The following MSI2 variants were observed in gnomAD, a reference collection of about 807,000 sequenced individuals.
The protein encoded by MSI2 is musashi RNA binding protein 2.
A neutral mutation model predicts 45.6 loss-of-function variants in MSI2; 17 were observed. That is an observed-to-expected ratio of 0.37 (90% CI 0.26 to 0.56). MSI2 has a LOEUF of 0.56. MSI2 is among the 20% of genes least tolerant of loss of function. The pLI, the probability that MSI2 is intolerant of heterozygous loss-of-function variation, is 0.77. For synonymous variants in MSI2, 156 were observed against 158.2 expected (o/e 0.99, Z 0.11); for missense variants, 293 against 444.2 (o/e 0.66, Z 3.06).
At chr17:57,286,164 T>C (rs1909855912) in intron 5 of MSI2, among the ~76,000 whole-genome samples, 2 of 152,300 alleles carry the variant, frequency 1.3e-5, no homozygotes, top group South Asian at 2.1e-4. Context: ...ATAATTTTCA[T>C]GTGGGGCGAC....
intron 7 of MSI2, among the ~76,000 whole-genome samples, chr17:57,560,127 G>A (rs539338972): frequency 6.6e-6 from 1 of 152,244 alleles, no homozygotes; most frequent in Non-Finnish European, 1.5e-5. Context: ...TAAAATTGCT[G>A]TTTGGTATCT....
At chr17:57,521,678 G>A (rs573685933) in intron 6 of MSI2, among the ~76,000 whole-genome samples, 8 of 152,210 alleles carry the variant, frequency 5.3e-5, no homozygotes, top group African/African-American at 1.4e-4. Context: ...GCTGTGTTAC[G>A]GCTCAACTCA....
chr17:57,335,292 A>C (rs745675133), intron 5 of MSI2, among the ~76,000 whole-genome samples: 2 of 152,210 alleles, frequency 1.3e-5, no homozygotes, highest in Non-Finnish European at 2.9e-5. Context: ...ATCTTAGACC[A>C]TACCTGCCTT....
chr17:57,350,472 G>A (rs1276679476), intron 5 of MSI2, among the ~76,000 whole-genome samples: 2 of 152,066 alleles, frequency 1.3e-5, no homozygotes, highest in African/African-American at 2.4e-5. Flanking sequence ...TTTGGAGACC[G>A]CCCATTGCCT....
intron 6 of MSI2, among the ~76,000 whole-genome samples, chr17:57,475,019 C>T (rs181183121): frequency 1.3e-5 from 2 of 152,128 alleles, no homozygotes; most frequent in Non-Finnish European, 2.9e-5. Context: ...ACCGCACGCA[C>T]CCAGCCTCTC....
At chr17:57,549,520 T>G (rs1441127612) in intron 7 of MSI2, among the ~76,000 whole-genome samples, 1 of 152,182 alleles carries the variant, frequency 6.6e-6, no homozygotes, top group Admixed American at 6.5e-5. Flanking sequence ...TCCTCAGCTA[T>G]AATACCGTTT....
At position 57,318,492 on chromosome 17, in the gene MSI2, G is replaced by A. The variant is rs147537196; in HGVS notation, c.312+56300G>A. ...TTCATTTTCTTCGCCTGTTTAGAGA[G>A]TGTGGCCACCATATCACAGAGGACT... On this transcript the variant is annotated intron_variant, in intron 5 of 13. Coordinates refer to ENST00000284073, the MANE Select transcript of MSI2 (RefSeq NM_138962.4). Among the ~76,000 whole-genome samples the A allele has an allele frequency of 4.0e-3, 604 of 152,194 alleles. 4 individuals carry two copies. Among genetic ancestry groups the A allele is most frequent in the African/African-American group, 0.013 (538 of 41,534 alleles).
intron 6 of MSI2, among the ~76,000 whole-genome samples, chr17:57,453,002 C>CTTT (rs59001273): frequency 3.0e-4 from 35 of 118,246 alleles, no homozygotes; most frequent in African/African-American, 1.0e-3. Context: ...GGTTGAGGGA[C>CTTT]TTTTTTTTTT....
intron 7 of MSI2, among the ~76,000 whole-genome samples, chr17:57,589,044 C>A (rs1425414743): frequency 1.3e-5 from 2 of 152,136 alleles, no homozygotes; most frequent in East Asian, 3.8e-4. Context: ...GTGGACTGAT[C>A]CTCAATAACC....
intron 5 of MSI2, among the ~76,000 whole-genome samples, chr17:57,310,852 G>A (rs893993666): frequency 3.9e-5 from 6 of 152,186 alleles, no homozygotes; most frequent in African/African-American, 7.2e-5. Context: ...ACCGCAGAGC[G>A]CCTTGGCATC....
At chr17:57,637,641 A>C (rs1184132399) in intron 10 of MSI2, among the ~76,000 whole-genome samples, 1 of 152,210 alleles carries the variant, frequency 6.6e-6, no homozygotes, top group Non-Finnish European at 1.5e-5. Flanking sequence ...AAATAAGGCC[A>C]TCTCTAGGCC....
chr17:57,344,286 A>AG (rs1915410339), intron 5 of MSI2, among the ~76,000 whole-genome samples: 1 of 152,196 alleles, frequency 6.6e-6, no homozygotes, highest in Non-Finnish European at 1.5e-5. Flanking sequence ...GGACCCATGG[A>AG]GTCCTAGTAT....
intron 6 of MSI2, among the ~76,000 whole-genome samples, chr17:57,475,168 G>A (rs2085514289): frequency 6.6e-6 from 1 of 152,236 alleles, no homozygotes; most frequent in Non-Finnish European, 1.5e-5. Context: ...TGGGCACTAA[G>A]TGAAACCCAG....
chr17:57,476,269 T>TCCCTC (rs2085535590), intron 6 of MSI2, among the ~76,000 whole-genome samples: 1 of 152,106 alleles, frequency 6.6e-6, no homozygotes, highest in Admixed American at 6.5e-5. Flanking sequence ...AGATGAGGCT[T>TCCCTC]CCCTCCCCTC....
chr17:57,593,818 G>A (rs76716491), intron 7 of MSI2, among the ~76,000 whole-genome samples: 1 of 152,130 alleles, frequency 6.6e-6, no homozygotes, highest in Non-Finnish European at 1.5e-5. Context: ...GACCTTCAAA[G>A]ACAGATGAGA....
chr17:57,602,683 T>G (rs1906038839), intron 8 of MSI2, among the ~76,000 whole-genome samples: 1 of 152,214 alleles, frequency 6.6e-6, no homozygotes. Context: ...GTCCTTTTTC[T>G]TACTCCTTTA....
chr17:57,699,900 C>G, the MSI2 span, among the ~76,000 whole-genome samples: 3 of 152,238 alleles, frequency 2.0e-5, no homozygotes, highest in Admixed American at 1.3e-4. Flanking sequence ...TCAGTGGGCA[C>G]TCTCTGAGGA....
downstream of MSI2, among the ~76,000 whole-genome samples, chr17:57,688,312 C>T (rs1164478407): frequency 6.6e-6 from 1 of 151,994 alleles, no homozygotes; most frequent in African/African-American, 2.4e-5. Context: ...TTCATGAAAA[C>T]TTTGGCAAGA....
At chr17:57,305,346 C>T (rs981687399) in intron 5 of MSI2, among the ~76,000 whole-genome samples, 2 of 152,150 alleles carry the variant, frequency 1.3e-5, no homozygotes, top group African/African-American at 2.4e-5. Context: ...AGGGTAAGAG[C>T]AGCATTGTTC....
Sources: gnomAD v4.1 joint callset for allele counts (sites outside exome capture counted in the v4.1 genomes callset) on GRCh38, gnomAD v4.1.1 for gene constraint, MANE v1.5 for transcripts, NCBI Gene and HGNC (gene_info 2026-07-23, HGNC 2026-07-21) for gene names.